CCDC138: variants seen among roughly 807,000 people sequenced by gnomAD.
CCDC138 encodes the protein coiled-coil domain-containing protein 138.
Under a neutral mutation model 82.3 loss-of-function variants are expected in CCDC138, and 66 were observed. The observed-to-expected ratio is 0.80, with a 90% CI of 0.66 to 0.98. The LOEUF is 0.98. CCDC138 is among the 50% of genes least tolerant of loss of function. The pLI, the probability that CCDC138 is intolerant of heterozygous loss-of-function variation, is 0.00. For synonymous variants in CCDC138, 297 were observed against 265.4 expected (o/e 1.12, Z -1.16); for missense variants, 816 against 758.9 (o/e 1.08, Z -0.88).
intron 11 of CCDC138, 44 bp downstream of exon 11, chr2:108,839,345 A>G: frequency 6.8e-7 from 1 of 1,480,988 alleles, no homozygotes; most frequent in Admixed American, 1.9e-5. Flanking sequence ...TACTCCACCT[A>G]ATATTACTTC....
downstream of CCDC138, among the ~76,000 whole-genome samples, chr2:108,878,783 G>A (rs1201936751): frequency 1.3e-5 from 2 of 152,138 alleles, no homozygotes; most frequent in East Asian, 3.9e-4. Flanking sequence ...AGAGATGAAA[G>A]AGGAGCTGTT....
At chr2:108,815,181 A>G (rs1004548955) in intron 9 of CCDC138, among the ~76,000 whole-genome samples, 2 of 152,114 alleles carry the variant, frequency 1.3e-5, no homozygotes, top group Non-Finnish European at 2.9e-5. Context: ...CAAAGTAACA[A>G]TTTTTGTGAG....
intron 7 of CCDC138, among the ~76,000 whole-genome samples, chr2:108,806,926 A>G (rs1373359173): frequency 1.3e-5 from 2 of 152,218 alleles, no homozygotes; most frequent in East Asian, 3.8e-4. Context: ...TGAAAGGAGC[A>G]GCATTGTGCC....
rs1284665300 is a variant in CCDC138 at position 108,834,766 on chromosome 2, C to T, written c.1207-4419C>T. Among the ~76,000 whole-genome samples, 5 of 152,310 alleles carry T rather than the reference C, an allele frequency of 3.3e-5. No individual in the cohort carries two copies. The South Asian group carries it at 8.3e-4, about 25-fold the overall frequency. Reference sequence around the variant, plus strand: ...AACAATATCTTCCCATTCCTCCCTCCCCTGTAGACCTTGGTAGTCTCTCGT... The same window carrying T: ...AACAATATCTTCCCATTCCTCCCTCTCCTGTAGACCTTGGTAGTCTCTCGT... On this transcript the variant is annotated intron_variant, in intron 10 of 14. Transcript: ENST00000295124.
intron 12 of CCDC138, among the ~76,000 whole-genome samples, chr2:108,851,983 A>G (rs1199204650): frequency 6.6e-6 from 1 of 152,216 alleles, no homozygotes; most frequent in Non-Finnish European, 1.5e-5. Context: ...GCCTCTATCA[A>G]TTGCTGAAGC....
rs1347306876 is a variant in CCDC138 at position 108,846,642 on chromosome 2, A to G, written c.1324-96A>G. 1.2e-5 allele frequency: 13 copies of G among 1,077,132 alleles called. No individual in the cohort carries two copies. In the South Asian group the frequency reaches 1.5e-4, roughly 12 times the overall value. The allele number at this position is 1,077,132 out of a possible 1,614,324, so 66.7% of individuals were successfully genotyped here. On this transcript the variant is annotated intron_variant, in intron 11 of 14. Transcript: ENST00000295124. ...CAGTGAGCCATGATTGCGCTACTGCATTCCAACCTGGGCAACAGAGCAAGA... is the reference window on the plus strand; with the variant it reads ...CAGTGAGCCATGATTGCGCTACTGCGTTCCAACCTGGGCAACAGAGCAAGA...
intron 12 of CCDC138, among the ~76,000 whole-genome samples, chr2:108,851,362 C>T (rs868473494): frequency 2.6e-5 from 4 of 152,086 alleles, no homozygotes; most frequent in East Asian, 1.9e-4. Context: ...AGTGCAATGG[C>T]GTGATCTTGG....
At chr2:108,789,465 G>A (rs1679539867) in intron 3 of CCDC138, among the ~76,000 whole-genome samples, 1 of 152,160 alleles carries the variant, frequency 6.6e-6, no homozygotes, top group Non-Finnish European at 1.5e-5. Context: ...TTGGTGGTGT[G>A]CGTCTGGAAT....
At chr2:108,804,047 C>T (rs1023000960) in intron 6 of CCDC138, among the ~76,000 whole-genome samples, 4 of 152,016 alleles carry the variant, frequency 2.6e-5, no homozygotes, top group Non-Finnish European at 5.9e-5. Context: ...TGCTTAGATT[C>T]TCTGATCTCT....
rs1363669816 is a variant in CCDC138 at position 108,876,224 on chromosome 2, A to C, written c.1969A>C (p.Asn657His). The stretch of plus-strand genomic sequence containing the variant: ...GTTCAATCTGGGTTTAACAAAATGT[A>C]ACTCCCTGGTCTCCAGTGCAAGCCC... ...TLFNLGLTKC[N>H]SLVSSASP The change falls in exon 15 of 15, where the codon AAC (asparagine) becomes CAC (histidine). Residue 657 changes from asparagine to histidine, a missense_variant. Asn to His is a moderately conservative substitution (Grantham distance 68, BLOSUM62 1). Transcript: ENST00000295124. The C allele has an allele frequency of 1.2e-6, 2 of 1,612,616 alleles. No homozygotes were observed. The highest frequency in any genetic ancestry group is 1.1e-5 in the South Asian group (1 of 90,854).
intron 10 of CCDC138, among the ~76,000 whole-genome samples, chr2:108,824,366 A>T (rs1686214818): frequency 6.6e-6 from 1 of 152,126 alleles, no homozygotes; most frequent in Non-Finnish European, 1.5e-5. Flanking sequence ...TTTTTATTTT[A>T]GTTTTTACTT....
downstream of CCDC138, among the ~76,000 whole-genome samples, chr2:108,877,991 C>A (rs899173769): frequency 1.1e-4 from 17 of 152,060 alleles, no homozygotes; most frequent in African/African-American, 4.1e-4. Context: ...AGTGAAGATG[C>A]CTTTCATAAG....
At chr2:108,806,271 T>G (rs1682868878) in intron 7 of CCDC138, among the ~76,000 whole-genome samples, 1 of 152,234 alleles carries the variant, frequency 6.6e-6, no homozygotes, top group Non-Finnish European at 1.5e-5. Flanking sequence ...CACTCTCTTG[T>G]GAGGATTTTA....
chr2:108,875,337 G>T (rs73952537), intron 14 of CCDC138, among the ~76,000 whole-genome samples: 1 of 132,836 alleles, frequency 7.5e-6, no homozygotes, highest in Admixed American at 8.4e-5. Context: ...AAAAAAAAAA[G>T]AAACAAATTC....
At chr2:108,835,664 A>C (rs1688457840) in intron 10 of CCDC138, among the ~76,000 whole-genome samples, 1 of 152,178 alleles carries the variant, frequency 6.6e-6, no homozygotes, top group Admixed American at 6.6e-5. Context: ...AAACATAAAA[A>C]ATTTATTATC....
intron 10 of CCDC138, among the ~76,000 whole-genome samples, chr2:108,828,359 C>T (rs971935554): frequency 2.0e-5 from 3 of 151,944 alleles, no homozygotes; most frequent in African/African-American, 7.3e-5. Flanking sequence ...ACTACTTATC[C>T]TAAAATTGAT....
rs1682656328 is a variant in CCDC138 at position 108,805,209 on chromosome 2, A to G, written c.855+201A>G. ...TCTCTTCTCTTTATTTGTTCTGGCA[A>G]CCAACTGACAAACAAAAGAAAAAAA... On this transcript the variant is annotated intron_variant, in intron 7 of 14. Coordinates refer to ENST00000295124, the MANE Select transcript of CCDC138 (RefSeq NM_144978.3). Among the ~76,000 whole-genome samples the G allele has an allele frequency of 2.0e-5, 3 of 152,156 alleles. No homozygotes were observed. The South Asian group carries it at 6.2e-4, about 32-fold the overall frequency.
chr2:108,807,069 CATTCTATACAAAATT>C (rs1224023238), intron 7 of CCDC138, among the ~76,000 whole-genome samples: 5 of 152,100 alleles, frequency 3.3e-5, no homozygotes, highest in Non-Finnish European at 7.4e-5. Context: ...ATATGTCTTT[CATTCTATACAAAATT>C]AATAAGCATG....
In CCDC138 at chr2:108,852,951, TGA is replaced by T. The variant is rs542788853; in HGVS notation, c.1517-3839_1517-3838del. On this transcript the variant is annotated intron_variant, in intron 12 of 14. Transcript: ENST00000295124. ...AAAATGAGCAAATATAATGTGTCAC[TGA>T]GAGGATATAGGCACAATTTTGTTTG... Among the ~76,000 whole-genome samples the T allele has an allele frequency of 1.8e-4, 28 of 152,310 alleles. No homozygotes were observed. The South Asian group carries it at 5.8e-3, about 32-fold the overall frequency.
Sources: gnomAD v4.1 joint callset for allele counts (sites outside exome capture counted in the v4.1 genomes callset) on GRCh38, gnomAD v4.1.1 for gene constraint, MANE v1.5 for transcripts, NCBI Gene and HGNC (gene_info 2026-07-23, HGNC 2026-07-21) for gene names.